The following OPCML variants were observed in gnomAD, a reference collection of about 807,000 sequenced individuals.
OPCML encodes the protein opioid binding protein/cell adhesion molecule like.
OPCML carries 13 observed loss-of-function variants against 37.8 expected under a neutral mutation model. The ratio of observed to expected loss-of-function variants is 0.34; its 90% CI spans 0.22 to 0.55. OPCML has a LOEUF of 0.55. OPCML is among the 20% of genes least tolerant of loss of function. OPCML has a pLI of 0.91. For missense variants in OPCML, 341 were observed against 435.6 expected (o/e 0.78, Z 1.93); for synonymous variants, 176 against 168.8 (o/e 1.04, Z -0.33).
At chr11:132,824,388 C>T (rs1940175535) in intron 2 of OPCML, among the ~76,000 whole-genome samples, 1 of 152,180 alleles carries the variant, frequency 6.6e-6, no homozygotes, top group South Asian at 2.1e-4. Context: ...TCCCTCTGTC[C>T]TCTCTGCTAC....
At chr11:133,003,386 T>C (rs1246265260) in intron 1 of OPCML, among the ~76,000 whole-genome samples, 1 of 152,072 alleles carries the variant, frequency 6.6e-6, no homozygotes, top group Non-Finnish European at 1.5e-5. Context: ...TCTCCAACCT[T>C]CCAGATCAGC....
At chr11:133,140,352 A>C (rs1949752471) in intron 1 of OPCML, among the ~76,000 whole-genome samples, 1 of 149,270 alleles carries the variant, frequency 6.7e-6, no homozygotes, top group Non-Finnish European at 1.5e-5. Flanking sequence ...TCTCTACTAA[A>C]AAAAATACAA....
chr11:132,847,954 A>T (rs1316473450), intron 2 of OPCML, among the ~76,000 whole-genome samples: 4 of 152,064 alleles, frequency 2.6e-5, no homozygotes, highest in African/African-American at 9.7e-5. Context: ...AGAATGAGGA[A>T]CTCACCCACC....
intron 1 of OPCML, among the ~76,000 whole-genome samples, chr11:133,295,407 C>G (rs1163734307): frequency 9.2e-5 from 14 of 152,078 alleles, no homozygotes; most frequent in Admixed American, 9.2e-4. Context: ...GGCTTTACAC[C>G]GATCTGAACT....
At chr11:133,059,549 C>T (rs934623732) in intron 1 of OPCML, among the ~76,000 whole-genome samples, 4 of 152,186 alleles carry the variant, frequency 2.6e-5, no homozygotes, top group African/African-American at 4.8e-5. Flanking sequence ...GAAACCCAAA[C>T]GCCAGTTTCA....
intron 2 of OPCML, among the ~76,000 whole-genome samples, chr11:132,743,738 T>C (rs1945514901): frequency 6.6e-6 from 1 of 152,218 alleles, no homozygotes; most frequent in African/African-American, 2.4e-5. Flanking sequence ...GATGTCTTCC[T>C]GAGGTTAAAT....
intron 1 of OPCML, among the ~76,000 whole-genome samples, chr11:132,987,991 AT>A (rs1946709802): frequency 6.6e-6 from 1 of 152,252 alleles, no homozygotes; most frequent in East Asian, 1.9e-4. Flanking sequence ...TGAAATTACC[AT>A]GTAAACAAGA....
chr11:133,084,018 G>A (rs1381720162), intron 1 of OPCML, among the ~76,000 whole-genome samples: 1 of 151,960 alleles, frequency 6.6e-6, no homozygotes, highest in African/African-American at 2.4e-5. Context: ...CTCCCGCCTC[G>A]TCTCCCTAAC....
chr11:133,353,865 G>A (rs1004493432), intron 1 of OPCML, among the ~76,000 whole-genome samples: 19 of 152,136 alleles, frequency 1.2e-4, no homozygotes, highest in African/African-American at 4.3e-4. Flanking sequence ...GCTATATGAA[G>A]TTTACCCTTC....
chr11:133,080,451 C>T (rs1948694356), intron 1 of OPCML, among the ~76,000 whole-genome samples: 5 of 149,302 alleles, frequency 3.3e-5, no homozygotes, highest in South Asian at 2.1e-4. Context: ...CGTGAGAAAA[C>T]ATTCCCACTT....
intron 1 of OPCML, chr11:133,361,134 C>T (rs1944404215): frequency 6.6e-6 from 1 of 152,356 alleles, no homozygotes; most frequent in South Asian, 2.1e-4. Context: ...CTTCGGCCTC[C>T]CACCGCTTGA....
chr11:132,575,449 T>C (rs1403300091), intron 3 of OPCML, among the ~76,000 whole-genome samples: 3 of 152,046 alleles, frequency 2.0e-5, no homozygotes, highest in Non-Finnish European at 4.4e-5. Flanking sequence ...CCTTGGAGCT[T>C]ACACAAGACA....
intron 3 of OPCML, among the ~76,000 whole-genome samples, chr11:132,611,945 C>G (rs896861329): frequency 2.0e-5 from 3 of 152,082 alleles, no homozygotes; most frequent in African/African-American, 7.2e-5. Flanking sequence ...CAGTAGCGAC[C>G]GGAGGAGACG....
At chr11:133,285,105 AAGG>A (rs903808778) in intron 1 of OPCML, among the ~76,000 whole-genome samples, 1 of 152,206 alleles carries the variant, frequency 6.6e-6, no homozygotes, top group Non-Finnish European at 1.5e-5. Context: ...GAAGGGAAAT[AAGG>A]AGAATTCTAG....
chr11:133,109,312 C>G (rs1022727500), intron 1 of OPCML, among the ~76,000 whole-genome samples: 1 of 152,108 alleles, frequency 6.6e-6, no homozygotes. Context: ...ACAAGGACTC[C>G]ACAGCATGGA....
chr11:132,832,506 G>GCA (rs1359246398), intron 2 of OPCML, among the ~76,000 whole-genome samples: 1 of 152,048 alleles, frequency 6.6e-6, no homozygotes, highest in Non-Finnish European at 1.5e-5. Context: ...CAACTTACAT[G>GCA]CACACACATA....
intron 1 of OPCML, among the ~76,000 whole-genome samples, chr11:133,499,840 G>GTATA (rs541359390): frequency 1.5e-5 from 2 of 132,108 alleles, no homozygotes; most frequent in African/African-American, 6.0e-5. Context: ...ATATGTGTAT[G>GTATA]TATATATATA....
At chr11:133,028,524 CGTGTGTGTGTGTGTGTGT>C (rs10541354) in intron 1 of OPCML, among the ~76,000 whole-genome samples, 1 of 147,136 alleles carries the variant, frequency 6.8e-6, no homozygotes, top group African/African-American at 2.5e-5. Flanking sequence ...TGATAAGGAG[CGTGTGTGTGTGTGTGTGT>C]GTGTGTGTGT....
chr11:132,575,592 A>G (rs2096448575), intron 3 of OPCML, among the ~76,000 whole-genome samples: 1 of 151,944 alleles, frequency 6.6e-6, no homozygotes, highest in Non-Finnish European at 1.5e-5. Flanking sequence ...GTATTTTTAA[A>G]CATATATTTA....
Sources: allele counts gnomAD v4.1 joint callset (sites outside exome capture counted in the v4.1 genomes callset), GRCh38; gene constraint gnomAD v4.1.1; transcripts MANE v1.5; gene names NCBI Gene and HGNC (gene_info 2026-07-23, HGNC 2026-07-21).